CC2D1B: variants seen among roughly 807,000 people sequenced by gnomAD.
CC2D1B encodes coiled-coil and C2 domain-containing protein 1B.
In CC2D1B, 92 loss-of-function variants were observed where a neutral mutation model predicts 110.8. The ratio of observed to expected loss-of-function variants is 0.83; its 90% CI spans 0.70 to 0.99. CC2D1B has a LOEUF of 0.99. Ranked by LOEUF, CC2D1B falls within the 50% of genes least tolerant of loss-of-function variation. The pLI, the probability that CC2D1B is intolerant of heterozygous loss-of-function variation, is 0.00. For synonymous variants in CC2D1B, 406 were observed against 429.2 expected (o/e 0.95, Z 0.67); for missense variants, 1,136 against 1,089.0 (o/e 1.04, Z -0.61).
At chr1:52,355,554 G>A in intron 20 of CC2D1B, 54 bp downstream of exon 20, 2 of 1,609,776 alleles carry the variant, frequency 1.2e-6, no homozygotes, top group Non-Finnish European at 1.7e-6. Flanking sequence ...GTGAGCACAG[G>A]GTCCTGGAAT....
intron 18 of CC2D1B, 71 bp downstream of exon 18, chr1:52,356,115 A>T: frequency 7.6e-7 from 1 of 1,324,204 alleles, no homozygotes; most frequent in African/African-American, 1.4e-5. Flanking sequence ...AAGGGGTAGC[A>T]GTCTCTGGCC....
intron 5 of CC2D1B, 46 bp downstream of exon 5, chr1:52,360,928 G>A: frequency 6.2e-7 from 1 of 1,608,436 alleles, no homozygotes; most frequent in Non-Finnish European, 8.5e-7. Context: ...TTACGTCTGG[G>A]CGCACAGGAG....
intron 15 of CC2D1B, 115 bp from the exon 16 acceptor site, chr1:52,357,241 A>G: frequency 8.0e-7 from 1 of 1,254,758 alleles, no homozygotes; most frequent in South Asian, 1.3e-5. Flanking sequence ...AAGTCCAGTG[A>G]TGACAACTCA....
chr1:52,360,569 G>C lies in CC2D1B; in HGVS notation c.478-20C>G. The C allele has an allele frequency of 6.2e-7, 1 of 1,611,310 alleles. No individual in the cohort carries two copies. Among genetic ancestry groups the C allele is most frequent in the Non-Finnish European group, 8.5e-7 (1 of 1,178,812 alleles). ...TCCGGCCTATGAACAATTCAGCTAA[G>C]GGCCTGGCCACTCCAGGGCCTGCTA... is the stretch of plus-strand genomic sequence containing the variant. On this transcript the variant is annotated intron_variant, in intron 5 of 24. Transcript: ENST00000284376.
intron 20 of CC2D1B, 46 bp from the exon 21 acceptor site, chr1:52,355,495 G>C (rs1331123329): frequency 6.2e-7 from 1 of 1,611,730 alleles, no homozygotes; most frequent in East Asian, 2.2e-5. Flanking sequence ...TAAACAAAGA[G>C]GCACACAGGG....
Position 52,354,652 on chromosome 1 carries a change from G to C in CC2D1B, c.2386C>G (p.Leu796Val). 6.2e-7 allele frequency: 1 copy of C among 1,614,250 alleles called. No individual in the cohort carries two copies. The highest frequency in any genetic ancestry group is 1.6e-4 in the Middle Eastern group (1 of 6,062). Residue 796 changes from leucine (L) to valine (V), a missense_variant, in exon 23 of 25, where the codon CTG (leucine) becomes GTG (valine). Physicochemically the swap from Leu to Val is conservative, Grantham distance 32 (BLOSUM62 1). Coordinates refer to ENST00000284376, the MANE Select transcript of CC2D1B (RefSeq NM_001330585.2). ...TCACACTCATTCTCCAGCCGCTCCAGTTTCAGGTGTGCTGTGCCAACCAGC... is the reference window on the plus strand; with the variant it reads ...TCACACTCATTCTCCAGCCGCTCCACTTTCAGGTGTGCTGTGCCAACCAGC... ...DKLVGTAHLK[L>V]ERLENECEIR...
intron 7 of CC2D1B, 52 bp from the exon 8 acceptor site, chr1:52,359,935 G>A (rs1265580832): frequency 6.3e-7 from 1 of 1,579,314 alleles, no homozygotes; most frequent in Non-Finnish European, 8.6e-7. Context: ...ACAGAAGAAG[G>A]TGCCCACGGA....
chr1:52,358,456 G>T lies in CC2D1B; in HGVS notation c.1336C>A (p.Pro446Thr). 2 of 1,613,656 alleles carry T rather than the reference G, an allele frequency of 1.2e-6. No individual in the cohort carries two copies. The highest frequency in any genetic ancestry group is 1.7e-6 in the Non-Finnish European group (2 of 1,179,982). ...FAELPVPPGF[P>T]PIPGLESTMG... ...GTGGACTCCAGGCCAGGGATGGGGG[G>T]AAATCCTGTGGGAGAGAGACAGCAT... Residue 446 changes from proline (P) to threonine (T), a missense_variant, in exon 13 of 25, where the codon CCC becomes ACC. Pro to Thr is a conservative substitution (Grantham distance 38). Coordinates refer to ENST00000284376, the MANE Select transcript of CC2D1B (RefSeq NM_001330585.2).
At chr1:52,353,331 T>C in intron 24 of CC2D1B, 108 bp from the exon 25 acceptor site, 2 of 1,480,698 alleles carry the variant, frequency 1.4e-6, no homozygotes, top group Non-Finnish European at 1.8e-6. Context: ...AGTTAAACCT[T>C]GGAAGGTTAC....
At chr1:52,353,726 A>G in intron 23 of CC2D1B, 79 bp from the exon 24 acceptor site, 1 of 1,050,760 alleles carries the variant, frequency 9.5e-7, no homozygotes. Flanking sequence ...TTCCCAGGAA[A>G]GAAGTGAGAG....
intron 23 of CC2D1B, chr1:52,354,289 A>G: frequency 1.9e-6 from 1 of 534,434 alleles, no homozygotes; most frequent in South Asian, 1.6e-5. Context: ...GACACACCAT[A>G]TGAGCTTACA....
intron 2 of CC2D1B, 134 bp downstream of exon 2, chr1:52,364,418 T>C (rs1364192516): frequency 1.2e-5 from 6 of 521,702 alleles, no homozygotes; most frequent in Non-Finnish European, 2.1e-5. Flanking sequence ...GTCTAAGGGC[T>C]CTGCCACCTC....
At chr1:52,355,296 G>A (rs1646623366) in intron 21 of CC2D1B, 102 bp downstream of exon 21, 2 of 1,190,408 alleles carry the variant, frequency 1.7e-6, no homozygotes, top group East Asian at 2.5e-5. Flanking sequence ...TCTCCCAAGT[G>A]GGGTGGATCA....
In CC2D1B at chr1:52,356,445, GA is replaced by G. The variant is rs752375165; in HGVS notation, c.1879-4del. On this transcript the variant is annotated splice_polypyrimidine_tract_variant and splice_region_variant and intron_variant, in intron 16 of 24. Coordinates refer to ENST00000284376, the MANE Select transcript of CC2D1B (RefSeq NM_001330585.2). Reference sequence around the variant, plus strand: ...TGCTTGGAGAACAGCAGGCACTTCTGAAAATAGAGGCCCAGAGTGACTCCCG... The same window carrying G: ...TGCTTGGAGAACAGCAGGCACTTCTGAAATAGAGGCCCAGAGTGACTCCCG... The G allele has an allele frequency of 6.2e-7, 1 of 1,614,198 alleles. No homozygotes were observed.
At chr1:52,355,042 C>G (rs1430096202) in intron 21 of CC2D1B, 103 bp from the exon 22 acceptor site, 1 of 932,922 alleles carries the variant, frequency 1.1e-6, no homozygotes, top group East Asian at 2.5e-5. Flanking sequence ...ATCTCTCCAC[C>G]TGCATTTTGG....
Position 52,362,696 on chromosome 1 carries a change from ATC to A in CC2D1B, c.118_119del (p.Asp40Ter). On this transcript the variant is annotated frameshift_variant, in exon 3 of 25. Coordinates refer to ENST00000284376, the MANE Select transcript of CC2D1B (RefSeq NM_001330585.2). LOFTEE classifies it high-confidence loss of function. Reference protein sequence around the residue: ...FGPEDMLLGMDEAEDDEDLEA... With the variant: ...FGPEDMLLGMXEAEDDEDLEA... ...CCAGGTCCTCATCATCTTCAGCCTCATCCATGCCCAGCAGCATGTCCTCAGGG... is the reference window on the plus strand; with the variant it reads ...CCAGGTCCTCATCATCTTCAGCCTCACATGCCCAGCAGCATGTCCTCAGGG... The A allele has an allele frequency of 6.2e-7, 1 of 1,614,082 alleles. No homozygotes were observed.
At position 52,351,029 on chromosome 1, in the gene CC2D1B, G is replaced by A. The variant is rs1469615721; in HGVS notation, c.*2196C>T. The A allele has an allele frequency of 6.6e-6, 1 of 152,256 alleles. No homozygotes were observed. The highest frequency in any genetic ancestry group is 2.4e-5 in the African/African-American group (1 of 41,462). 9.4% of individuals were successfully genotyped at this position (152,256 alleles called of 1,614,324 possible). On this transcript the variant is annotated 3_prime_UTR_variant, in exon 25 of 25. Coordinates refer to ENST00000284376, the MANE Select transcript of CC2D1B (RefSeq NM_001330585.2). The stretch of plus-strand genomic sequence containing the variant: ...TCCAAAGTGGTGGGATTACAGGCGT[G>A]AGCCACTGTGTCCCGCCTGTTTCCT...
rs1646525299 is a variant in CC2D1B, at chr1:52,351,158, C to A, written c.*2067G>T. On this transcript the variant is annotated 3_prime_UTR_variant, in exon 25 of 25. Coordinates refer to ENST00000284376, the MANE Select transcript of CC2D1B (RefSeq NM_001330585.2). ...TACAACAAAGGCCTTTTAAGAACTT[C>A]AATCTCCAAGTCTGGTGGGAGGCTT... is the stretch of plus-strand genomic sequence containing the variant. The A allele has an allele frequency of 6.6e-6, 1 of 152,238 alleles. No individual in the cohort carries two copies. The highest frequency in any genetic ancestry group is 2.4e-5 in the African/African-American group (1 of 41,456). 9.4% of individuals were successfully genotyped at this position (152,238 alleles called of 1,614,324 possible). A position where few individuals can be genotyped will look rare whatever the true frequency, so the allele number is the denominator to read the frequency against.
At chr1:52,362,496 G>T (rs1326025153) in intron 3 of CC2D1B, 106 bp downstream of exon 3, 2 of 1,363,994 alleles carry the variant, frequency 1.5e-6, no homozygotes, top group Non-Finnish European at 1.0e-6. Flanking sequence ...GTATTGGAAG[G>T]ACCAGGGGAT....
Sources: allele counts gnomAD v4.1 joint callset, GRCh38; gene constraint gnomAD v4.1.1; transcripts MANE v1.5; gene names NCBI Gene and HGNC (gene_info 2026-07-23, HGNC 2026-07-21).